Variants in KHDRBS2 observed in about 807,000 individuals in gnomAD.
KHDRBS2 encodes the protein KH RNA binding domain containing, signal transduction associated 2.
Under a neutral mutation model 44.3 loss-of-function variants are expected in KHDRBS2, and 26 were observed. The observed-to-expected ratio is 0.59, with a 90% CI of 0.43 to 0.81. The LOEUF is 0.81. Among genes scored for constraint, KHDRBS2 ranks in the 40% least tolerant of loss-of-function variants. The pLI, the probability that KHDRBS2 is intolerant of heterozygous loss-of-function variation, is 0.00. For missense variants in KHDRBS2, 476 were observed against 433.1 expected, an observed-to-expected ratio of 1.10 and a Z score of -0.88; for synonymous variants, 194 against 151.1, an observed-to-expected ratio of 1.28 and a Z score of -2.08.
intron 2 of KHDRBS2, among the ~76,000 whole-genome samples, chr6:62,131,710 C>T (rs1810367240): frequency 6.6e-6 from 1 of 152,132 alleles, no homozygotes; most frequent in Non-Finnish European, 1.5e-5. Context: ...GGCCAGAGGT[C>T]ATAGAAGCCT....
chr6:62,031,322 A>G (rs1401872096), intron 3 of KHDRBS2, among the ~76,000 whole-genome samples: 1 of 152,074 alleles, frequency 6.6e-6, no homozygotes, highest in African/African-American at 2.4e-5. Flanking sequence ...GACTCAGTAC[A>G]TTCCCAGTTG....
At chr6:61,839,843 G>T (rs1048086140) in intron 6 of KHDRBS2, among the ~76,000 whole-genome samples, 20 of 152,022 alleles carry the variant, frequency 1.3e-4, no homozygotes, top group Non-Finnish European at 1.0e-4. Context: ...AGGTAAGAAA[G>T]AAATATGAAG....
chr6:61,899,670 A>T (rs1197863235), intron 5 of KHDRBS2, among the ~76,000 whole-genome samples: 8 of 151,756 alleles, frequency 5.3e-5, no homozygotes, highest in African/African-American at 1.9e-4. Flanking sequence ...ATCCATAACA[A>T]AGCAAAATCT....
chr6:61,877,964 GA>G (rs1799676436), intron 6 of KHDRBS2, among the ~76,000 whole-genome samples: 1 of 151,876 alleles, frequency 6.6e-6, no homozygotes, highest in African/African-American at 2.4e-5. Context: ...ATAGTAAAAA[GA>G]AATATGATAA....
chr6:61,585,569 T>A, the KHDRBS2 span, among the ~76,000 whole-genome samples: 1 of 152,160 alleles, frequency 6.6e-6, no homozygotes, highest in East Asian at 1.9e-4. Context: ...ACATCAGATG[T>A]ACCACAACAC....
At chr6:61,744,346 C>A (rs9351201) in intron 6 of KHDRBS2, among the ~76,000 whole-genome samples, 5 of 152,182 alleles carry the variant, frequency 3.3e-5, no homozygotes, top group East Asian at 1.9e-4. Context: ...AGGGTAGGAA[C>A]AGTGAGCTCA....
At chr6:61,894,002 A>G (rs73487362) in intron 6 of KHDRBS2, among the ~76,000 whole-genome samples, 1,580 of 152,244 alleles carry the variant, frequency 0.01, 29 homozygotes, top group African/African-American at 0.037. Flanking sequence ...GGACACAAGG[A>G]CCACAATGTA....
chr6:62,250,190 C>T (rs1836284150), intron 1 of KHDRBS2, among the ~76,000 whole-genome samples: 1 of 152,018 alleles, frequency 6.6e-6, no homozygotes, highest in Admixed American at 6.6e-5. Context: ...TAAAAGAGGA[C>T]AAACGATCAG....
At chr6:61,588,911 C>T in the KHDRBS2 span, among the ~76,000 whole-genome samples, 2 of 152,104 alleles carry the variant, frequency 1.3e-5, no homozygotes, top group African/African-American at 4.8e-5. Flanking sequence ...TCATGTCCTT[C>T]ACAGGAACAT....
chr6:61,759,068 G>T (rs1427275700), intron 6 of KHDRBS2, among the ~76,000 whole-genome samples: 2 of 152,070 alleles, frequency 1.3e-5, no homozygotes, highest in Admixed American at 1.3e-4. Flanking sequence ...TGGAAACAAT[G>T]ATTTTACATA....
intron 6 of KHDRBS2, among the ~76,000 whole-genome samples, chr6:61,884,446 T>C (rs1462122259): frequency 2.6e-5 from 4 of 152,150 alleles, no homozygotes; most frequent in Non-Finnish European, 1.5e-5. Context: ...AAATATGAAG[T>C]AATTTAAAAA....
At chr6:62,285,131 A>C (rs991670128) in intron 1 of KHDRBS2, among the ~76,000 whole-genome samples, 10 of 152,274 alleles carry the variant, frequency 6.6e-5, no homozygotes, top group African/African-American at 2.4e-4. Flanking sequence ...TCAAAAAAAA[A>C]CCTTTCAAAG....
chr6:61,896,616 C>G (rs1802987531), intron 5 of KHDRBS2, among the ~76,000 whole-genome samples: 1 of 152,164 alleles, frequency 6.6e-6, no homozygotes, highest in Non-Finnish European at 1.5e-5. Context: ...CAATTTAATT[C>G]AAATCACTTT....
intron 7 of KHDRBS2, among the ~76,000 whole-genome samples, chr6:61,713,531 A>T (rs1269409374): frequency 6.7e-6 from 1 of 150,202 alleles, no homozygotes; most frequent in Non-Finnish European, 1.5e-5. Context: ...TATCTTCCTT[A>T]TCTATATCCT....
At chr6:62,082,551 T>G (rs1005065807) in intron 2 of KHDRBS2, among the ~76,000 whole-genome samples, 1 of 152,118 alleles carries the variant, frequency 6.6e-6, no homozygotes, top group Non-Finnish European at 1.5e-5. Context: ...TATTACTACA[T>G]CTGTCTTCTA....
At chr6:61,720,261 A>G (rs940207658) in intron 7 of KHDRBS2, among the ~76,000 whole-genome samples, 2 of 152,184 alleles carry the variant, frequency 1.3e-5, no homozygotes, top group African/African-American at 4.8e-5. Flanking sequence ...TCTTTGTAGC[A>G]GCATGATTTA....
At chr6:62,090,861 A>G (rs192086749) in intron 2 of KHDRBS2, among the ~76,000 whole-genome samples, 71 of 152,298 alleles carry the variant, frequency 4.7e-4, no homozygotes, top group Admixed American at 2.9e-3. Context: ...TTCCTGAGGT[A>G]TATTTAGGTA....
chr6:61,691,844 A>G (rs912247977), intron 8 of KHDRBS2, among the ~76,000 whole-genome samples: 3 of 152,066 alleles, frequency 2.0e-5, no homozygotes, highest in East Asian at 1.9e-4. Flanking sequence ...GTGTTCCACA[A>G]TTGACTTGAA....
chr6:62,041,550 C>A (rs1462303563), intron 3 of KHDRBS2, among the ~76,000 whole-genome samples: 2 of 152,024 alleles, frequency 1.3e-5, no homozygotes, highest in African/African-American at 4.8e-5. Flanking sequence ...GTGATTCTCT[C>A]ATTTCACTCT....
Sources: gnomAD v4.1 joint callset for allele counts (sites outside exome capture counted in the v4.1 genomes callset) on GRCh38, gnomAD v4.1.1 for gene constraint, MANE v1.5 for transcripts, NCBI Gene and HGNC (gene_info 2026-07-23, HGNC 2026-07-21) for gene names.